Variants in PCDHA2 observed in about 807,000 individuals in gnomAD.
PCDHA2 encodes the protein protocadherin alpha 2, also known as protocadherin alpha-2.
In PCDHA2, 58 loss-of-function variants were observed where a neutral mutation model predicts 66.0. The observed-to-expected ratio is 0.88, with a 90% CI of 0.71 to 1.09. The LOEUF is 1.09. PCDHA2 is among the 50% of genes least tolerant of loss of function. PCDHA2 has a pLI of 0.00. For synonymous variants in PCDHA2, 634 were observed against 554.0 expected (o/e 1.14, Z -2.03); for missense variants, 1,267 against 1,242.3 (o/e 1.02, Z -0.30).
intron 1 of PCDHA2, among the ~76,000 whole-genome samples, chr5:140,908,850 C>T (rs1234928966): frequency 6.6e-6 from 1 of 152,160 alleles, no homozygotes; most frequent in Non-Finnish European, 1.5e-5. Flanking sequence ...GTAACATACC[C>T]AAATGAGGAA....
intron 1 of PCDHA2, chr5:140,929,499 C>T: frequency 1.0e-6 from 1 of 980,264 alleles, no homozygotes; most frequent in Non-Finnish European, 1.4e-6. Context: ...GAAGATTGCC[C>T]TAGGCCTCAA....
intron 1 of PCDHA2, chr5:140,875,810 C>A: frequency 6.2e-7 from 1 of 1,614,106 alleles, no homozygotes; most frequent in Non-Finnish European, 8.5e-7. Flanking sequence ...GTGGACAGGC[C>A]GCTGCAGGTT....
At chr5:140,877,924 A>T in intron 1 of PCDHA2, 1 of 1,419,290 alleles carries the variant, frequency 7.0e-7, no homozygotes, top group Non-Finnish European at 9.3e-7. Flanking sequence ...ATTTTTCTTT[A>T]TGATTCTATC....
intron 1 of PCDHA2, chr5:140,811,112 A>T (rs1463605915): frequency 6.6e-6 from 1 of 152,084 alleles, no homozygotes; most frequent in Non-Finnish European, 1.5e-5. Flanking sequence ...GCACCCATCA[A>T]CTCATCATTT....
chr5:140,960,417 A>G (rs1340642372), intron 1 of PCDHA2, among the ~76,000 whole-genome samples: 10 of 152,218 alleles, frequency 6.6e-5, no homozygotes, highest in African/African-American at 1.9e-4. Flanking sequence ...CAAAAAGTCA[A>G]CAATTACTTG....
At chr5:140,884,574 T>C (rs1554181755) in intron 1 of PCDHA2, 1 of 1,614,014 alleles carries the variant, frequency 6.2e-7, no homozygotes, top group East Asian at 2.2e-5. Context: ...AAGACGGACC[T>C]CATGGCCTTC....
intron 1 of PCDHA2, chr5:140,875,866 G>T: frequency 6.2e-7 from 1 of 1,614,192 alleles, no homozygotes; most frequent in Non-Finnish European, 8.5e-7. Context: ...CAACCCGCCG[G>T]TGTTCAGAGA....
chr5:140,913,073 G>A (rs529914576), intron 1 of PCDHA2, among the ~76,000 whole-genome samples: 7 of 152,184 alleles, frequency 4.6e-5, no homozygotes, highest in Admixed American at 1.3e-4. Flanking sequence ...ATGTGTCATT[G>A]TTTGGTATCA....
chr5:140,884,014 G>T, intron 1 of PCDHA2: 2 of 1,613,168 alleles, frequency 1.2e-6, no homozygotes, highest in Non-Finnish European at 1.7e-6. Context: ...AGCTGATGCC[G>T]CGGTCGGTGG....
Position 140,808,079 on chromosome 5 carries a change from A to G in PCDHA2, c.2388+10727A>G, listed in dbSNP as rs59233330. 4.8e-3 allele frequency: 7,775 copies of G among 1,614,028 alleles called. 313 individuals carry two copies. In the African/African-American group the frequency reaches 0.088, roughly 18 times the overall value. ...GAAATCCAAGTTTCACATAGATCCA[A>G]TTACTGGACAAATTATTGTAAAGGG... is the stretch of plus-strand genomic sequence containing the variant. On this transcript the variant is annotated intron_variant, in intron 1 of 3. Transcript: ENST00000526136.
intron 1 of PCDHA2, chr5:140,876,955 G>A: frequency 6.2e-7 from 1 of 1,613,390 alleles, no homozygotes; most frequent in Non-Finnish European, 8.5e-7. Context: ...CTACTCGCTG[G>A]TGGAGCGGCG....
intron 1 of PCDHA2, chr5:140,877,907 T>G (rs2057390973): frequency 2.1e-6 from 3 of 1,433,442 alleles, no homozygotes; most frequent in Non-Finnish European, 2.8e-6. Context: ...TATAACTACA[T>G]TCTCTCATTT....
At chr5:140,992,023 G>C (rs1415968916) in intron 3 of PCDHA2, among the ~76,000 whole-genome samples, 2 of 148,226 alleles carry the variant, frequency 1.3e-5, no homozygotes, top group African/African-American at 4.9e-5. Flanking sequence ...GGCTCTGTGT[G>C]TGTGTGTGTG....
chr5:140,808,540 C>T (rs782636671), intron 1 of PCDHA2: 75 of 1,614,030 alleles, frequency 4.6e-5, no homozygotes, highest in Non-Finnish European at 5.6e-5. Context: ...TGAACGACAA[C>T]GCTCCGGCGT....
intron 1 of PCDHA2, chr5:140,869,878 ACT>A: frequency 6.2e-7 from 1 of 1,610,122 alleles, no homozygotes; most frequent in Non-Finnish European, 8.5e-7. Context: ...TGCTAAAGAA[ACT>A]CTTGTGCTCA....
In PCDHA2 at chr5:140,836,730, A is replaced by G. The variant is rs2150268726; in HGVS notation, c.2388+39378A>G. 6.2e-6 allele frequency: 10 copies of G among 1,610,112 alleles called. No individual in the cohort carries two copies. In the African/African-American group the frequency reaches 1.1e-4, roughly 17 times the overall value. On this transcript the variant is annotated intron_variant, in intron 1 of 3. Transcript: ENST00000526136. The stretch of plus-strand genomic sequence containing the variant: ...CAGCCTTCCTCAGGGTCCATCCTCT[A>G]CAGACAATGTGAGTCATAAATAATC...
At chr5:140,810,971 G>C (rs1554125620) in intron 1 of PCDHA2, 4 of 151,944 alleles carry the variant, frequency 2.6e-5, no homozygotes, top group Admixed American at 2.6e-4. Flanking sequence ...TTTTATCATT[G>C]TTGTGAGGTA....
At chr5:140,975,472 A>G (rs1012106018) in intron 1 of PCDHA2, among the ~76,000 whole-genome samples, 2 of 152,250 alleles carry the variant, frequency 1.3e-5, no homozygotes, top group African/African-American at 4.8e-5. Flanking sequence ...AATTCTGCCT[A>G]TCAGTTTATA....
intron 1 of PCDHA2, among the ~76,000 whole-genome samples, chr5:140,880,884 G>A (rs540368068): frequency 2.0e-5 from 3 of 152,304 alleles, no homozygotes; most frequent in South Asian, 4.1e-4. Flanking sequence ...ATAAAGAAAT[G>A]TAGGGCCAGA....
Sources: allele counts gnomAD v4.1 joint callset (sites outside exome capture counted in the v4.1 genomes callset), GRCh38; gene constraint gnomAD v4.1.1; transcripts MANE v1.5; gene names NCBI Gene and HGNC (gene_info 2026-07-23, HGNC 2026-07-21).